Variants in NHEJ1 observed in about 807,000 individuals in gnomAD.
The protein encoded by NHEJ1 is non-homologous end-joining factor 1.
NHEJ1 carries 22 observed loss-of-function variants against 39.4 expected under a neutral mutation model. The ratio of observed to expected loss-of-function variants is 0.56; its 90% CI spans 0.40 to 0.80. The LOEUF is 0.80. NHEJ1 is among the 30% of genes least tolerant of loss of function. NHEJ1 has a pLI of 0.00. For synonymous variants in NHEJ1, 154 were observed against 135.6 expected, an observed-to-expected ratio of 1.14 and a Z score of -0.94; for missense variants, 329 against 357.1, an observed-to-expected ratio of 0.92 and a Z score of 0.63.
chr2:219,151,786 G>A (rs1257239772), intron 3 of NHEJ1, among the ~76,000 whole-genome samples: 1 of 152,102 alleles, frequency 6.6e-6, no homozygotes, highest in Non-Finnish European at 1.5e-5. Flanking sequence ...GGCCAACATG[G>A]TGAAACCCTG....
At chr2:219,096,770 T>C (rs999191362) in intron 5 of NHEJ1, among the ~76,000 whole-genome samples, 2 of 152,110 alleles carry the variant, frequency 1.3e-5, no homozygotes, top group East Asian at 3.9e-4. Context: ...AGGTGACCAA[T>C]GTAGCTAGAG....
At chr2:219,099,052 G>A (rs1382626278) in intron 5 of NHEJ1, among the ~76,000 whole-genome samples, 1 of 152,158 alleles carries the variant, frequency 6.6e-6, no homozygotes, top group African/African-American at 2.4e-5. Context: ...GGAGCTCTCT[G>A]TAGGATTAAA....
intron 6 of NHEJ1, 26 bp from the exon 7 acceptor site, chr2:219,077,390 A>G: frequency 6.7e-7 from 1 of 1,500,196 alleles, no homozygotes; most frequent in Non-Finnish European, 9.3e-7. Flanking sequence ...TCAAGAGAAG[A>G]TAGTGATAAA....
chr2:219,152,774 C>CATTT (rs796412414), intron 3 of NHEJ1, among the ~76,000 whole-genome samples: 132 of 137,012 alleles, frequency 9.6e-4, no homozygotes, highest in Middle Eastern at 3.9e-3. Flanking sequence ...GGATCTCTTT[C>CATTT]ATTTATTTAT....
intron 5 of NHEJ1, among the ~76,000 whole-genome samples, chr2:219,092,868 A>C (rs1949173864): frequency 6.6e-6 from 1 of 152,214 alleles, no homozygotes; most frequent in South Asian, 2.1e-4. Flanking sequence ...CCAGAGAAAG[A>C]AGCTGCCTGT....
Position 219,074,759 on chromosome 2 carries a change from CA to C in NHEJ1, c.*1621del, listed in dbSNP as rs1948996773. Among the ~76,000 whole-genome samples, 1 of 150,172 alleles carries C rather than the reference CA, an allele frequency of 6.7e-6. No individual in the cohort carries two copies. Among genetic ancestry groups the C allele is most frequent in the Non-Finnish European group, 1.5e-5 (1 of 67,538 alleles). On this transcript the variant is annotated 3_prime_UTR_variant, in exon 8 of 8. Transcript: ENST00000356853. ...CTCCATTAAAAAAAAAAAAAAGTAA[CA>C]AAAGAGCAAAGTAAGCCAGCTGATA...
intron 5 of NHEJ1, among the ~76,000 whole-genome samples, chr2:219,108,771 C>T (rs879281059): frequency 6.6e-6 from 1 of 151,948 alleles, no homozygotes; most frequent in Non-Finnish European, 1.5e-5. Flanking sequence ...TGGGCAATGA[C>T]CCTTTTTTGG....
Position 219,071,436 on chromosome 2 carries a change from C to T in NHEJ1, c.*4945G>A, listed in dbSNP as rs906064525. On this transcript the variant is annotated 3_prime_UTR_variant, in exon 8 of 8. Transcript: ENST00000356853. ...TCGGTCTCTATTGTTTTGAGTGAGG[C>T]CCAATATTTCCACAGCAGGATTATA... 9.9e-5 allele frequency among the ~76,000 whole-genome samples: 15 copies of T among 152,258 alleles called. No individual in the cohort carries two copies. Among genetic ancestry groups the T allele is most frequent in the African/African-American group, 3.6e-4 (15 of 41,546 alleles).
intron 5 of NHEJ1, among the ~76,000 whole-genome samples, chr2:219,079,451 A>C (rs1273299957): frequency 1.3e-5 from 2 of 152,220 alleles, no homozygotes; most frequent in Non-Finnish European, 2.9e-5. Flanking sequence ...AAGTGTGAGA[A>C]GCAGGAAAGC....
intron 3 of NHEJ1, among the ~76,000 whole-genome samples, chr2:219,149,975 A>G (rs1217455640): frequency 1.3e-5 from 2 of 152,252 alleles, no homozygotes; most frequent in Non-Finnish European, 2.9e-5. Context: ...CTAGACCTGA[A>G]AAAGGAGTAC....
chr2:219,076,311 A>G lies in NHEJ1; in HGVS notation c.*70T>C. 6.2e-7 allele frequency: 1 copy of G among 1,613,764 alleles called. No individual in the cohort carries two copies. Among genetic ancestry groups the G allele is most frequent in the South Asian group, 1.1e-5 (1 of 91,008 alleles). On this transcript the variant is annotated 3_prime_UTR_variant, in exon 8 of 8. Coordinates refer to ENST00000356853, the MANE Select transcript of NHEJ1 (RefSeq NM_024782.3). ...TATTTTAGAAATATTGCTGCCATGT[A>G]AGCTTCTTTCAAGGTGAAGCTTGGA...
At chr2:219,078,622 A>G (rs1234989855) in intron 5 of NHEJ1, among the ~76,000 whole-genome samples, 1 of 152,236 alleles carries the variant, frequency 6.6e-6, no homozygotes, top group Non-Finnish European at 1.5e-5. Flanking sequence ...AAGGAGAGAG[A>G]GCAAAATGGT....
chr2:219,135,755 T>C (rs11888497), intron 5 of NHEJ1, among the ~76,000 whole-genome samples: 6,864 of 152,302 alleles, frequency 0.045, 519 homozygotes, highest in African/African-American at 0.15. Context: ...GGCAGGCAAA[T>C]TGCTTGAGCC....
chr2:219,120,565 C>A (rs1196724495), intron 5 of NHEJ1, among the ~76,000 whole-genome samples: 1 of 152,136 alleles, frequency 6.6e-6, no homozygotes, highest in Non-Finnish European at 1.5e-5. Context: ...CTAGGAACTG[C>A]ATGCCAGTGT....
At chr2:219,137,570 CAAAAAA>C (rs58279021) in intron 5 of NHEJ1, among the ~76,000 whole-genome samples, 1 of 34,716 alleles carries the variant, frequency 2.9e-5, no homozygotes, top group Non-Finnish European at 6.2e-5. Context: ...GTGTTACAGG[CAAAAAA>C]AAAAAAAAAA....
rs138362886 is a variant in NHEJ1, at chr2:219,154,655, A to G, written c.390+2817T>C. Among the ~76,000 whole-genome samples the G allele has an allele frequency of 3.5e-3, 529 of 152,092 alleles. 2 individuals are homozygous for G. Among genetic ancestry groups the G allele is most frequent in the African/African-American group, 0.012 (502 of 41,514 alleles). ...TCTCAGGTTCAGGCGTTTCCCTAGG[A>G]GGGCATTCTTCTTTTAATGATGAGT... On this transcript the variant is annotated intron_variant, in intron 3 of 7. Transcript: ENST00000356853.
At chr2:219,114,674 C>T (rs989292870) in intron 5 of NHEJ1, among the ~76,000 whole-genome samples, 5 of 152,190 alleles carry the variant, frequency 3.3e-5, no homozygotes, top group East Asian at 3.9e-4. Context: ...ACTGCAAGCA[C>T]GAAGTGACCC....
At chr2:219,118,270 T>C (rs912795331) in intron 5 of NHEJ1, among the ~76,000 whole-genome samples, 63 of 152,176 alleles carry the variant, frequency 4.1e-4, no homozygotes, top group Non-Finnish European at 1.2e-4. Flanking sequence ...CAGCACCCAA[T>C]GGATTTCATT....
At chr2:219,154,333 C>T (rs1949828107) in intron 3 of NHEJ1, among the ~76,000 whole-genome samples, 1 of 152,024 alleles carries the variant, frequency 6.6e-6, no homozygotes, top group Non-Finnish European at 1.5e-5. Context: ...ACATATATAG[C>T]TTTAAGAATT....
Sources: allele counts gnomAD v4.1 joint callset (sites outside exome capture counted in the v4.1 genomes callset), GRCh38; gene constraint gnomAD v4.1.1; transcripts MANE v1.5; gene names NCBI Gene and HGNC (gene_info 2026-07-23, HGNC 2026-07-21).